Variants in PTCSC3 observed in about 807,000 individuals in gnomAD.
PTCSC3 encodes the protein papillary thyroid carcinoma susceptibility candidate 3 (non-protein coding).
At chr14:36,160,294 A>G (rs1379309288) in intron 2 of PTCSC3, among the ~76,000 whole-genome samples, 1 of 152,170 alleles carries the variant, frequency 6.6e-6, no homozygotes. Context: ...TATTTTGCCC[A>G]TTAATTGATG....
At chr14:36,155,284 T>C (rs1001335192) in intron 2 of PTCSC3, among the ~76,000 whole-genome samples, 4 of 152,060 alleles carry the variant, frequency 2.6e-5, no homozygotes, top group Non-Finnish European at 5.9e-5. Context: ...GAAATTGAGA[T>C]AGAAAAAAGT....
At chr14:36,171,731 T>C (rs902998388) in intron 1 of PTCSC3, among the ~76,000 whole-genome samples, 9 of 152,146 alleles carry the variant, frequency 5.9e-5, no homozygotes, top group African/African-American at 1.7e-4. Flanking sequence ...ACAAGAAGCT[T>C]GTAAAAGCAG....
At chr14:36,136,914 T>C (rs74044231) in intron 3 of PTCSC3, among the ~76,000 whole-genome samples, 9,490 of 152,210 alleles carry the variant, frequency 0.062, 485 homozygotes, top group African/African-American at 0.12. Flanking sequence ...GAGCACCTAT[T>C]ATGTGGCAGG....
chr14:36,139,146 G>C (rs1309295156), intron 3 of PTCSC3, among the ~76,000 whole-genome samples: 1 of 125,180 alleles, frequency 8.0e-6, no homozygotes, highest in Non-Finnish European at 1.7e-5. Flanking sequence ...AAAAAGAAAT[G>C]CATATATGTC....
chr14:36,176,002 A>G (rs1439071248), intron 1 of PTCSC3, among the ~76,000 whole-genome samples: 1 of 152,184 alleles, frequency 6.6e-6, no homozygotes, highest in Admixed American at 6.5e-5. Context: ...AACAGAAGAC[A>G]AATGTGGGTA....
chr14:36,139,755 C>T (rs1437009940), intron 3 of PTCSC3, among the ~76,000 whole-genome samples: 1 of 152,168 alleles, frequency 6.6e-6, no homozygotes, highest in East Asian at 1.9e-4. Flanking sequence ...CCTCCCTTCC[C>T]CACAGTTTCC....
intron 1 of PTCSC3, among the ~76,000 whole-genome samples, chr14:36,173,992 T>C (rs1183835163): frequency 6.6e-6 from 1 of 152,138 alleles, no homozygotes; most frequent in African/African-American, 2.4e-5. Flanking sequence ...ACCTTTTTTT[T>C]CTCTTTGGCT....
At chr14:36,174,143 G>A (rs953777143) in intron 1 of PTCSC3, among the ~76,000 whole-genome samples, 5 of 151,808 alleles carry the variant, frequency 3.3e-5, no homozygotes, top group African/African-American at 7.3e-5. Flanking sequence ...TCAAATGTGG[G>A]GAGTTCGGGG....
intron 3 of PTCSC3, among the ~76,000 whole-genome samples, chr14:36,153,482 A>C (rs1187474584): frequency 6.6e-6 from 1 of 152,224 alleles, no homozygotes; most frequent in Non-Finnish European, 1.5e-5. Flanking sequence ...GTTGACACCC[A>C]CAGTGTTAAG....
intron 3 of PTCSC3, among the ~76,000 whole-genome samples, chr14:36,147,832 G>A (rs935787257): frequency 6.6e-6 from 1 of 151,858 alleles, no homozygotes; most frequent in Admixed American, 6.6e-5. Context: ...ATGTACAGAT[G>A]GGTTTTTGGT....
intron 2 of PTCSC3, among the ~76,000 whole-genome samples, chr14:36,158,703 G>C (rs1881881971): frequency 6.6e-6 from 1 of 152,076 alleles, no homozygotes; most frequent in Admixed American, 6.6e-5. Flanking sequence ...GAGATATTGG[G>C]CTGAAATTTT....
chr14:36,149,250 TATTTA>T (rs1334172825), intron 3 of PTCSC3, among the ~76,000 whole-genome samples: 1 of 152,218 alleles, frequency 6.6e-6, no homozygotes, highest in African/African-American at 2.4e-5. Context: ...ACCCATGTGT[TATTTA>T]AAAGTGTGTT....
intron 1 of PTCSC3, among the ~76,000 whole-genome samples, chr14:36,170,226 A>T (rs1882167366): frequency 6.6e-6 from 1 of 151,984 alleles, no homozygotes; most frequent in Admixed American, 6.5e-5. Flanking sequence ...GTAGGTTAAG[A>T]ATTTCCCATG....
At chr14:36,168,016 T>C (rs1882125450) in intron 1 of PTCSC3, among the ~76,000 whole-genome samples, 2 of 151,984 alleles carry the variant, frequency 1.3e-5, no homozygotes, top group Admixed American at 6.6e-5. Flanking sequence ...GGCCTGCACG[T>C]TCCCAGGCAT....
At chr14:36,139,124 A>AT (rs1409906299) in intron 3 of PTCSC3, among the ~76,000 whole-genome samples, 13 of 150,334 alleles carry the variant, frequency 8.6e-5, no homozygotes, top group East Asian at 5.8e-4. Flanking sequence ...AAAAATAAAA[A>AT]AAAAAAAAAA....
intron 3 of PTCSC3, among the ~76,000 whole-genome samples, chr14:36,151,330 G>A (rs1293340404): frequency 4.6e-5 from 7 of 151,496 alleles, no homozygotes; most frequent in African/African-American, 1.7e-4. Context: ...TTTGTTTTTG[G>A]TTTCCTACAG....
intron 3 of PTCSC3, among the ~76,000 whole-genome samples, chr14:36,150,779 G>A (rs1348184514): frequency 1.3e-5 from 2 of 152,080 alleles, no homozygotes; most frequent in East Asian, 1.9e-4. Context: ...GTAGCTTCAT[G>A]GGAAGTGCAA....
intron 3 of PTCSC3, among the ~76,000 whole-genome samples, chr14:36,142,903 C>A (rs534773338): frequency 2.0e-5 from 3 of 149,388 alleles, no homozygotes; most frequent in African/African-American, 7.4e-5. Context: ...TGAGAATATG[C>A]GCTGTCTGGT....
At chr14:36,164,512 CCAGT>C (rs1882043196) in intron 1 of PTCSC3, among the ~76,000 whole-genome samples, 1 of 152,170 alleles carries the variant, frequency 6.6e-6, no homozygotes, top group South Asian at 2.1e-4. Context: ...ACTTTAAAAA[CCAGT>C]CATTCTTTTC....
Sources: allele counts gnomAD v4.1 joint callset (sites outside exome capture counted in the v4.1 genomes callset), GRCh38; gene constraint gnomAD v4.1.1; transcripts MANE v1.5; gene names NCBI Gene and HGNC (gene_info 2026-07-23, HGNC 2026-07-21).